Variants in VPS13B observed in about 807,000 individuals in gnomAD.
The protein encoded by VPS13B is vacuolar protein sorting 13 homolog B.
VPS13B carries 285 observed loss-of-function variants against 426.4 expected under a neutral mutation model. The observed-to-expected ratio is 0.67, with a 90% CI of 0.61 to 0.74. The LOEUF (loss-of-function observed/expected upper bound fraction) is 0.74. Ranked by LOEUF, VPS13B falls within the 30% of genes least tolerant of loss-of-function variation. The probability of loss-of-function intolerance (pLI) is 0.00; values close to 1 mark genes in which losing one functional copy is unlikely to be tolerated. For synonymous variants in VPS13B, 1,676 were observed against 1,676.4 expected (o/e 1.00, Z 0.01); for missense variants, 4,537 against 4,782.6 (o/e 0.95, Z 1.51).
At chr8:99,825,832 T>C (rs1358755678) in intron 51 of VPS13B, among the ~76,000 whole-genome samples, 3 of 152,230 alleles carry the variant, frequency 2.0e-5, no homozygotes, top group Admixed American at 1.3e-4. Flanking sequence ...AGAGAATCCT[T>C]TCCTCATTGC....
intron 30 of VPS13B, among the ~76,000 whole-genome samples, chr8:99,530,929 A>G (rs1002841182): frequency 3.9e-5 from 6 of 152,152 alleles, no homozygotes; most frequent in African/African-American, 1.2e-4. Context: ...AGTTTCTTAT[A>G]AGATGTACCA....
chr8:99,843,340 C>T lies in VPS13B; in HGVS notation c.9943-5436C>T, dbSNP rs1815807909. Among the ~76,000 whole-genome samples the T allele has an allele frequency of 2.0e-5, 3 of 152,046 alleles. No homozygotes were observed. In the South Asian group the frequency reaches 6.2e-4, roughly 32 times the overall value. Reference sequence around the variant, plus strand: ...ATTGATCAGGACTGGCCGGGTTATTCTGTGATAACAAACAGCTGAAAAAAA... The same window carrying T: ...ATTGATCAGGACTGGCCGGGTTATTTTGTGATAACAAACAGCTGAAAAAAA... On this transcript the variant is annotated intron_variant, in intron 54 of 61. Transcript: ENST00000357162.
Position 99,853,846 on chromosome 8 carries a change from A to T in VPS13B, c.10457A>T (p.Glu3486Val). ...ATCAAACTTTGCATCACCTTAAATG[A>T]AGGCAAGAGCATCCTCTGTGATATT... ...CFIKLCITLN[E>V]GKSILCDINE... The change falls in exon 56 of 62, where the codon GAA (glutamate) becomes GTA (valine). Residue 3486 changes from glutamate (E) to valine (V), a missense_variant. Glu to Val is a moderately radical substitution (Grantham distance 121). Transcript: ENST00000357162. The T allele has an allele frequency of 6.2e-7, 1 of 1,614,270 alleles. No individual in the cohort carries two copies. Among genetic ancestry groups the T allele is most frequent in the Middle Eastern group, 1.6e-4 (1 of 6,062 alleles).
At chr8:99,706,981 A>G (rs77587882) in intron 36 of VPS13B, among the ~76,000 whole-genome samples, 1 of 152,132 alleles carries the variant, frequency 6.6e-6, no homozygotes, top group African/African-American at 2.4e-5. Context: ...TAGCAAAGCA[A>G]CCCTGAGTGA....
chr8:99,755,067 C>T (rs1810571818), intron 39 of VPS13B, among the ~76,000 whole-genome samples: 1 of 152,146 alleles, frequency 6.6e-6, no homozygotes, highest in Non-Finnish European at 1.5e-5. Flanking sequence ...AAAGCTCCAA[C>T]ATATTCCTGG....
chr8:99,731,979 A>T (rs1427527079), intron 39 of VPS13B, among the ~76,000 whole-genome samples: 2 of 151,864 alleles, frequency 1.3e-5, no homozygotes, highest in Admixed American at 6.6e-5. Context: ...TAAATGGGGG[A>T]CCTCCTCTCC....
At chr8:99,418,016 A>T (rs552978343) in intron 21 of VPS13B, among the ~76,000 whole-genome samples, 17 of 152,254 alleles carry the variant, frequency 1.1e-4, no homozygotes, top group East Asian at 3.9e-4. Context: ...ACTTTTATTT[A>T]AATATATTAA....
At chr8:99,511,534 T>G (rs774546224) in intron 29 of VPS13B, 22 bp downstream of exon 29, 11 of 1,603,676 alleles carry the variant, frequency 6.9e-6, no homozygotes, top group Admixed American at 1.7e-5. Context: ...TGATTTTTTT[T>G]GTCTGATTTT....
intron 54 of VPS13B, among the ~76,000 whole-genome samples, chr8:99,843,365 A>T (rs997920889): frequency 2.0e-4 from 30 of 152,164 alleles, no homozygotes; most frequent in African/African-American, 7.0e-4. Context: ...GCTGAAAAAA[A>T]AATCCCCTTG....
In VPS13B at chr8:99,360,227, T is replaced by TCTCC; in HGVS notation, c.2825-23981_2825-23980insCTCC. Among the ~76,000 whole-genome samples, 10 of 16,452 alleles carry TCTCC rather than the reference T, an allele frequency of 6.1e-4. 1 individual carries two copies. The highest frequency in any genetic ancestry group is 1.8e-3 in the African/African-American group (9 of 5,110). The allele number at this position is 16,452 out of a possible 152,430, so 10.8% of individuals were successfully genotyped here. On this transcript the variant is annotated intron_variant, in intron 19 of 61. Coordinates refer to ENST00000357162, the MANE Select transcript of VPS13B (RefSeq NM_152564.5). ...CTCTCTCTCTTTCTTTCTTTCTTTC[T>TCTCC]TTCTTTCTCTCTCTCCTTCCTTCCT... is the stretch of plus-strand genomic sequence containing the variant.
In VPS13B at chr8:99,051,100, G is replaced by T. The variant is rs373788214; in HGVS notation, c.291+12534G>T. 3.0e-3 allele frequency among the ~76,000 whole-genome samples: 457 copies of T among 152,080 alleles called. 1 individual carries two copies. The highest frequency in any genetic ancestry group is 4.2e-3 in the Non-Finnish European group (285 of 67,970). On this transcript the variant is annotated intron_variant, in intron 3 of 61. Coordinates refer to ENST00000357162, the MANE Select transcript of VPS13B (RefSeq NM_152564.5). Reference sequence around the variant, plus strand: ...TTTTGGTGTTTTAGACATGAAGTCCGTGCCCATGCCTATGTCCTGAATGGT... The same window carrying T: ...TTTTGGTGTTTTAGACATGAAGTCCTTGCCCATGCCTATGTCCTGAATGGT...
chr8:99,823,065 T>A (rs1814469407), intron 50 of VPS13B, among the ~76,000 whole-genome samples: 2 of 152,162 alleles, frequency 1.3e-5, no homozygotes, highest in Non-Finnish European at 1.5e-5. Flanking sequence ...AGAAACATCT[T>A]CTCTGAGCAT....
intron 19 of VPS13B, among the ~76,000 whole-genome samples, chr8:99,297,812 A>C (rs1325924287): frequency 6.6e-6 from 1 of 152,186 alleles, no homozygotes; most frequent in Non-Finnish European, 1.5e-5. Flanking sequence ...AGTGTTTTAA[A>C]GCCATCTTTC....
At chr8:99,107,245 T>C (rs1366556325) in intron 5 of VPS13B, among the ~76,000 whole-genome samples, 1 of 152,218 alleles carries the variant, frequency 6.6e-6, no homozygotes, top group Non-Finnish European at 1.5e-5. Flanking sequence ...ATATTCTTGA[T>C]ACTTAAAATT....
chr8:99,065,849 C>T (rs200603111), intron 3 of VPS13B, among the ~76,000 whole-genome samples: 1 of 152,158 alleles, frequency 6.6e-6, no homozygotes, highest in South Asian at 2.1e-4. Context: ...ACAAGCATTC[C>T]TATACACTAA....
chr8:99,148,377 A>AT (rs1431631076), intron 14 of VPS13B, among the ~76,000 whole-genome samples: 1 of 149,780 alleles, frequency 6.7e-6, no homozygotes, highest in African/African-American at 2.5e-5. Context: ...AAAAAAAAAA[A>AT]GAAAAAGATA....
intron 21 of VPS13B, among the ~76,000 whole-genome samples, chr8:99,399,585 A>G (rs1814923912): frequency 6.6e-6 from 1 of 152,182 alleles, no homozygotes; most frequent in South Asian, 2.1e-4. Flanking sequence ...TATCACTTTC[A>G]TAAACATGAA....
intron 30 of VPS13B, among the ~76,000 whole-genome samples, chr8:99,524,061 T>A (rs1340988942): frequency 3.3e-5 from 5 of 152,148 alleles, no homozygotes; most frequent in African/African-American, 1.2e-4. Context: ...TTTAAAAGAA[T>A]CAAGTAGAAA....
intron 19 of VPS13B, among the ~76,000 whole-genome samples, chr8:99,314,687 G>T (rs2133110515): frequency 6.6e-6 from 1 of 151,636 alleles, no homozygotes; most frequent in Admixed American, 6.5e-5. Flanking sequence ...CTGGCCTCAT[G>T]CAATCCTCCT....
Sources: gnomAD v4.1 joint callset for allele counts (sites outside exome capture counted in the v4.1 genomes callset) on GRCh38, gnomAD v4.1.1 for gene constraint, MANE v1.5 for transcripts, NCBI Gene and HGNC (gene_info 2026-07-23, HGNC 2026-07-21) for gene names.